Variants in EFHD1 observed in about 807,000 individuals in gnomAD.
EFHD1 encodes EF-hand domain-containing protein D1.
EFHD1 carries 10 observed loss-of-function variants against 17.2 expected under a neutral mutation model. That is an observed-to-expected ratio of 0.58 (90% CI 0.36 to 0.99). The LOEUF (loss-of-function observed/expected upper bound fraction) is 0.99. EFHD1 is among the 50% of genes least tolerant of loss of function. The pLI, the probability that EFHD1 is intolerant of heterozygous loss-of-function variation, is 0.01. For missense variants in EFHD1, 310 were observed against 327.5 expected (o/e 0.95, Z 0.41); for synonymous variants, 153 against 142.0 (o/e 1.08, Z -0.55).
At chr2:232,643,256 T>C (rs937628491) in intron 1 of EFHD1, among the ~76,000 whole-genome samples, 3 of 151,964 alleles carry the variant, frequency 2.0e-5, no homozygotes, top group Non-Finnish European at 4.4e-5. Context: ...AGCTGGCCTC[T>C]GGCATCCCAT....
chr2:232,637,467 C>T (rs576070395), intron 1 of EFHD1, among the ~76,000 whole-genome samples: 2 of 151,934 alleles, frequency 1.3e-5, no homozygotes, highest in Admixed American at 6.6e-5. Context: ...CCTCAGCCTC[C>T]CGAGTAGCTA....
intron 1 of EFHD1, among the ~76,000 whole-genome samples, chr2:232,656,918 G>A (rs373569236): frequency 3.8e-4 from 58 of 152,140 alleles, no homozygotes; most frequent in African/African-American, 1.3e-3. Flanking sequence ...AGCTGGGACC[G>A]CAGATGTGGG....
intron 1 of EFHD1, among the ~76,000 whole-genome samples, chr2:232,644,192 T>A (rs1386505080): frequency 6.6e-6 from 1 of 152,014 alleles, no homozygotes; most frequent in Non-Finnish European, 1.5e-5. Context: ...GGCTTGATCA[T>A]TCTGCCTCAC....
chr2:232,611,621 C>T (rs1417968240), intron 1 of EFHD1: 1 of 152,258 alleles, frequency 6.6e-6, no homozygotes, highest in East Asian at 1.9e-4. Context: ...TCCCAAACCG[C>T]AGAGATTCCA....
chr2:232,660,822 AC>A (rs1694852310), intron 1 of EFHD1, among the ~76,000 whole-genome samples: 1 of 152,074 alleles, frequency 6.6e-6, no homozygotes, highest in African/African-American at 2.4e-5. Context: ...TACTAAAAAT[AC>A]AAAAATTAGC....
chr2:232,612,290 G>C (rs560048579), intron 1 of EFHD1, among the ~76,000 whole-genome samples: 46 of 152,076 alleles, frequency 3.0e-4, no homozygotes, highest in African/African-American at 1.1e-3. Flanking sequence ...GCAAGCATGG[G>C]CTTCAAAAGA....
At chr2:232,669,619 T>A (rs1012738318) in intron 2 of EFHD1, among the ~76,000 whole-genome samples, 25 of 150,530 alleles carry the variant, frequency 1.7e-4, no homozygotes, top group Middle Eastern at 6.8e-3. Context: ...TTTTTTTTTT[T>A]AGACAGAGTC....
intron 1 of EFHD1, among the ~76,000 whole-genome samples, chr2:232,640,233 T>A: frequency 6.6e-6 from 1 of 152,034 alleles, no homozygotes; most frequent in East Asian, 1.9e-4. Context: ...GTACCCCTGG[T>A]CCAACTGGTA....
Position 232,662,794 on chromosome 2 carries a change from C to A in EFHD1, c.303-8C>A. 6.4e-7 allele frequency: 1 copy of A among 1,563,388 alleles called. No homozygotes were observed. On this transcript the variant is annotated splice_region_variant and splice_polypyrimidine_tract_variant and intron_variant, in intron 1 of 3. Transcript: ENST00000264059. Reference sequence around the variant, plus strand: ...TCATCCCGGTCATGCATTCCTTTGACCCTGCAGGTATGACGCTGGGCGGGA... The same window carrying A: ...TCATCCCGGTCATGCATTCCTTTGAACCTGCAGGTATGACGCTGGGCGGGA...
chr2:232,678,675 C>T (rs776810196), intron 3 of EFHD1, among the ~76,000 whole-genome samples: 1 of 152,078 alleles, frequency 6.6e-6, no homozygotes, highest in Non-Finnish European at 1.5e-5. Context: ...CCCAGCTACT[C>T]GGGAGACTGA....
intron 1 of EFHD1, among the ~76,000 whole-genome samples, chr2:232,625,741 T>C (rs2344369): frequency 0.23 from 35,070 of 152,024 alleles, 4,545 homozygotes; most frequent in East Asian, 0.57. Context: ...CCTTTTTCAA[T>C]GTGTTGACAT....
rs193049280 is a variant in EFHD1 at position 232,608,071 on chromosome 2, T to G, written c.14+1898T>G. Among the ~76,000 whole-genome samples the G allele has an allele frequency of 2.6e-5, 4 of 152,042 alleles. No homozygotes were observed. The East Asian group carries it at 7.7e-4, about 29-fold the overall frequency. ...TACCAAATCCATGGAATCAAGTCCC[T>G]TATATAAATTGCTGTAGGCCGGGCG... On this transcript the variant is annotated intron_variant, in intron 1 of 3. Transcript: ENST00000409613.
chr2:232,681,804 G>A lies in EFHD1; in HGVS notation c.*85G>A, dbSNP rs901272678. On this transcript the variant is annotated 3_prime_UTR_variant, in exon 4 of 4. Coordinates refer to ENST00000264059, the MANE Select transcript of EFHD1 (RefSeq NM_025202.4). ...ACTAGGCATCTTCATCACTGCTGTCGGTCCCCTCCCTGAGCCAGCATCTCC... is the reference window on the plus strand; with the variant it reads ...ACTAGGCATCTTCATCACTGCTGTCAGTCCCCTCCCTGAGCCAGCATCTCC... 11 of 1,513,668 alleles carry A rather than the reference G, an allele frequency of 7.3e-6. No homozygotes were observed. Among genetic ancestry groups the A allele is most frequent in the African/African-American group, 4.2e-5 (3 of 71,970 alleles). The allele number at this position is 1,513,668 out of a possible 1,614,324, so 93.8% of individuals were successfully genotyped here.
At chr2:232,633,322 A>C, upstream of EFHD1, 1 of 351,168 alleles carries the variant, frequency 2.8e-6, no homozygotes. Flanking sequence ...TTTTCCCGCT[A>C]CGGTTTTCCC....
chr2:232,627,062 ATATTTTTTT>A (rs1185426773), intron 1 of EFHD1, among the ~76,000 whole-genome samples: 45 of 109,524 alleles, frequency 4.1e-4, no homozygotes, highest in African/African-American at 1.5e-3. Flanking sequence ...ATATATATAT[ATATTTTTTT>A]TTTTTTTTAA....
chr2:232,608,947 C>T (rs1415184188), intron 1 of EFHD1, among the ~76,000 whole-genome samples: 1 of 150,078 alleles, frequency 6.7e-6, no homozygotes. Context: ...AAATAAAATA[C>T]AATGAAAAAG....
In EFHD1 at chr2:232,672,296, C is replaced by A. The variant is rs1559356291; in HGVS notation, c.451-13C>A. On this transcript the variant is annotated splice_polypyrimidine_tract_variant and intron_variant, in intron 2 of 3. Transcript: ENST00000264059. ...GAGACTGACTCTGGTTCCCTACTTTCTTTCCCCTGTAGTTCCTGCTCATTT... is the reference window on the plus strand; with the variant it reads ...GAGACTGACTCTGGTTCCCTACTTTATTTCCCCTGTAGTTCCTGCTCATTT... The A allele has an allele frequency of 3.1e-6, 5 of 1,614,158 alleles. No individual in the cohort carries two copies. The South Asian group carries it at 5.5e-5, about 18-fold the overall frequency.
rs34795309 is a variant in EFHD1 at position 232,675,187 on chromosome 2, A to AAAG, written c.585+2745_585+2746insAGA. On this transcript the variant is annotated intron_variant, in intron 3 of 3. Transcript: ENST00000264059. ...CACGACTCCACCTCAAAAGAAAAAA[A>AAAG]AGAGAGAGAGAAAAGAAAGGAAGGA... 4.8e-5 allele frequency among the ~76,000 whole-genome samples: 7 copies of AAAG among 146,980 alleles called. No homozygotes were observed. In the South Asian group the frequency reaches 6.4e-4, roughly 13 times the overall value.
chr2:232,610,239 C>T (rs1378629650), intron 1 of EFHD1, among the ~76,000 whole-genome samples: 1 of 152,230 alleles, frequency 6.6e-6, no homozygotes, highest in Non-Finnish European at 1.5e-5. Flanking sequence ...CCATCAGCTC[C>T]TTGTGGAGGT....
Sources: allele counts gnomAD v4.1 joint callset (sites outside exome capture counted in the v4.1 genomes callset), GRCh38; gene constraint gnomAD v4.1.1; transcripts MANE v1.5; gene names NCBI Gene and HGNC (gene_info 2026-07-23, HGNC 2026-07-21).